The following TGFB1 variants were observed in gnomAD, a reference collection of about 807,000 sequenced individuals.
The protein encoded by TGFB1 is transforming growth factor beta 1, also known as transforming growth factor beta-1 proprotein.
A neutral mutation model predicts 43.8 loss-of-function variants in TGFB1; 19 were observed. That is an observed-to-expected ratio of 0.43 (90% CI 0.30 to 0.64). The LOEUF is 0.64. TGFB1 is among the 30% of genes least tolerant of loss of function. The pLI, the probability that TGFB1 is intolerant of heterozygous loss-of-function variation, is 0.11. For missense variants in TGFB1, 445 were observed against 529.8 expected, an observed-to-expected ratio of 0.84 and a Z score of 1.57; for synonymous variants, 221 against 236.3, an observed-to-expected ratio of 0.94 and a Z score of 0.60.
intron 5 of TGFB1, among the ~76,000 whole-genome samples, chr19:41,334,360 G>A (rs1321183375): frequency 1.3e-5 from 2 of 151,638 alleles, no homozygotes; most frequent in Non-Finnish European, 2.9e-5. Flanking sequence ...AGGGCAACAG[G>A]GTGAGACTCT....
rs11466348 is a variant in TGFB1, at chr19:41,335,109, A to G, written c.861-2828T>C. On this transcript the variant is annotated intron_variant, in intron 5 of 6. Coordinates refer to ENST00000221930, the MANE Select transcript of TGFB1 (RefSeq NM_000660.7). ...CTCCTGTTGCCCAGGCTGGAGTGCGATGGTGTGATCTCAGCTCACTGCAAC... is the reference window on the plus strand; with the variant it reads ...CTCCTGTTGCCCAGGCTGGAGTGCGGTGGTGTGATCTCAGCTCACTGCAAC... 1.4e-3 allele frequency among the ~76,000 whole-genome samples: 212 copies of G among 149,676 alleles called. 1 individual carries two copies. The highest frequency in any genetic ancestry group is 5.0e-3 in the African/African-American group (203 of 40,514).
chr19:41,344,664 G>A lies in TGFB1; in HGVS notation c.634+83C>T, dbSNP rs112258729. 498 of 1,274,788 alleles carry A rather than the reference G, an allele frequency of 3.9e-4. 6 individuals are homozygous for A. The African/African-American group carries it at 6.2e-3, about 16-fold the overall frequency. 79.0% of individuals were successfully genotyped at this position (1,274,788 alleles called of 1,614,324 possible). ...TTCACACCAGTATGGGGCGGAGAGGGGTCCTAGGCAAAGTGACCCCAGGAC... is the reference window on the plus strand; with the variant it reads ...TTCACACCAGTATGGGGCGGAGAGGAGTCCTAGGCAAAGTGACCCCAGGAC... On this transcript the variant is annotated intron_variant, in intron 3 of 6. Coordinates refer to ENST00000221930, the MANE Select transcript of TGFB1 (RefSeq NM_000660.7).
chr19:41,348,192 A>C, intron 2 of TGFB1, 103 bp downstream of exon 2: 1 of 1,348,068 alleles, frequency 7.4e-7, no homozygotes, highest in Non-Finnish European at 1.1e-6. Context: ...TTCAGGGACC[A>C]TCTAGGTGGA....
chr19:41,344,634 G>C, intron 3 of TGFB1, 113 bp downstream of exon 3: 2 of 956,930 alleles, frequency 2.1e-6, no homozygotes, highest in South Asian at 2.7e-5. Flanking sequence ...CCAGGTCTCA[G>C]CACTTTCACA....
rs906212171 is a variant in TGFB1, at chr19:41,353,910, G to GGGC, written c.-869_-867dup. The GGGC allele has an allele frequency of 6.1e-5, 14 of 228,036 alleles. No homozygotes were observed. The highest frequency in any genetic ancestry group is 3.5e-4 in the Admixed American group (6 of 17,292). 14.1% of individuals were successfully genotyped at this position (228,036 alleles called of 1,614,324 possible). A position where few individuals can be genotyped will look rare whatever the true frequency, so the allele number is the denominator to read the frequency against. ...GGAGGGAGATGGCCCAGGGCGCGAAGGGCGGCGGCGGCGGGGACCGGCTGG... is the reference window on the plus strand; with the variant it reads ...GGAGGGAGATGGCCCAGGGCGCGAAGGGCGGCGGCGGCGGCGGGGACCGGCTGG... On this transcript the variant is annotated 5_prime_UTR_variant, in exon 1 of 7. Transcript: ENST00000221930. This position sits in a 1 kb window ranked among gnomAD's most constrained non-coding sequence, Gnocchi z 5.9.
intron 1 of TGFB1, among the ~76,000 whole-genome samples, chr19:41,351,804 T>TGGGGGCGCTCGCTGCTC (rs61023216): frequency 6.6e-6 from 1 of 151,414 alleles, no homozygotes; most frequent in African/African-American, 2.4e-5. Flanking sequence ...CTGCGGGGAA[T>TGGGGGCGCTCGCTGCTC]GCAGCGTGGA....
chr19:41,346,454 T>C (rs1193129464), intron 2 of TGFB1, among the ~76,000 whole-genome samples: 19 of 152,288 alleles, frequency 1.2e-4, no homozygotes, highest in Admixed American at 1.2e-3. Context: ...CAAGCTAACA[T>C]AGGACAAAGT....
intron 5 of TGFB1, among the ~76,000 whole-genome samples, chr19:41,338,598 G>A (rs1329124787): frequency 1.3e-5 from 2 of 151,928 alleles, no homozygotes; most frequent in Non-Finnish European, 1.5e-5. Flanking sequence ...TAGCACTTTG[G>A]GAGGCTGAGG....
At chr19:41,335,675 C>T (rs1036266288) in intron 5 of TGFB1, among the ~76,000 whole-genome samples, 3 of 152,146 alleles carry the variant, frequency 2.0e-5, no homozygotes, top group African/African-American at 7.2e-5. Flanking sequence ...TTGCCCTTGC[C>T]AAGCCTCTTC....
chr19:41,344,404 T>C (rs1008977578), intron 3 of TGFB1, among the ~76,000 whole-genome samples: 22 of 152,064 alleles, frequency 1.4e-4, no homozygotes, highest in Non-Finnish European at 2.6e-4. Flanking sequence ...GTACCTCCTT[T>C]GGGCTCCCCA....
At chr19:41,344,054 C>T (rs1376480005) in intron 3 of TGFB1, among the ~76,000 whole-genome samples, 1 of 136,690 alleles carries the variant, frequency 7.3e-6, no homozygotes, top group Non-Finnish European at 1.5e-5. Context: ...GTGATTATGA[C>T]TCACTGCAGC....
chr19:41,349,625 C>T (rs912266038), intron 1 of TGFB1, among the ~76,000 whole-genome samples: 4 of 152,068 alleles, frequency 2.6e-5, no homozygotes, highest in South Asian at 2.1e-4. Flanking sequence ...GGCATGGTGC[C>T]GGACGGCTCT....
At chr19:41,347,762 A>C (rs1599892955) in intron 2 of TGFB1, among the ~76,000 whole-genome samples, 1 of 134,444 alleles carries the variant, frequency 7.4e-6, no homozygotes, top group Admixed American at 8.5e-5. Context: ...CAGGAGGCGG[A>C]GGTTGCAGTG....
intron 1 of TGFB1, among the ~76,000 whole-genome samples, chr19:41,352,120 C>T (rs1300409061): frequency 2.0e-5 from 3 of 152,110 alleles, no homozygotes; most frequent in African/African-American, 7.2e-5. Flanking sequence ...TCCCCCACCC[C>T]CGCATCCCGC....
intron 3 of TGFB1, among the ~76,000 whole-genome samples, chr19:41,342,811 C>T (rs369044787): frequency 7.2e-5 from 11 of 152,116 alleles, no homozygotes; most frequent in East Asian, 5.8e-4. Flanking sequence ...CCACTGCATC[C>T]GGCCTACACG....
At chr19:41,349,833 A>G (rs1836771249) in intron 1 of TGFB1, among the ~76,000 whole-genome samples, 1 of 152,130 alleles carries the variant, frequency 6.6e-6, no homozygotes, top group Admixed American at 6.6e-5. Flanking sequence ...AAAGATGAAG[A>G]CATTTAAACC....
At chr19:41,332,320 T>C in intron 5 of TGFB1, 39 bp from the exon 6 acceptor site, 2 of 1,599,580 alleles carry the variant, frequency 1.3e-6, no homozygotes, top group Non-Finnish European at 1.7e-6. Flanking sequence ...AGGGAGGGGC[T>C]ACCACCATAG....
intron 6 of TGFB1, among the ~76,000 whole-genome samples, chr19:41,331,477 G>A (rs1400993646): frequency 2.0e-5 from 3 of 151,222 alleles, no homozygotes; most frequent in Admixed American, 6.6e-5. Flanking sequence ...ATCATGGCTC[G>A]CTGCAGCCTC....
At chr19:41,339,846 T>C (rs1383521554) in intron 5 of TGFB1, among the ~76,000 whole-genome samples, 2 of 152,008 alleles carry the variant, frequency 1.3e-5, no homozygotes, top group African/African-American at 2.4e-5. Context: ...AATTTGTTCA[T>C]TGACAGCGTT....
Sources: gnomAD v4.1 joint callset for allele counts (sites outside exome capture counted in the v4.1 genomes callset) on GRCh38, gnomAD v4.1.1 for gene constraint, Gnocchi (gnomAD v3.1) non-coding constraint, MANE v1.5 for transcripts, NCBI Gene and HGNC (gene_info 2026-07-23, HGNC 2026-07-21) for gene names.